Variants in DRC8 observed in about 807,000 individuals in gnomAD.
DRC8 encodes the protein dynein regulatory complex subunit 8, also known as dynein regulatory complex protein 8.
the DRC8 span, among the ~76,000 whole-genome samples, chr1:245,008,808 A>G: frequency 3.7e-4 from 56 of 151,732 alleles, no homozygotes; most frequent in African/African-American, 1.3e-3. Context: ...AGTTGGGACT[A>G]TAAGCATGTG....
the DRC8 span, among the ~76,000 whole-genome samples, chr1:245,033,717 C>CCTTT: frequency 2.0e-5 from 3 of 151,674 alleles, no homozygotes; most frequent in African/African-American, 7.3e-5. Context: ...CCTTTCCTTT[C>CCTTT]CTTTCTTTCT....
At chr1:245,115,798 C>G in the DRC8 span, among the ~76,000 whole-genome samples, 39,747 of 152,016 alleles carry the variant, frequency 0.26, 6,406 homozygotes, top group African/African-American at 0.45. Flanking sequence ...ACAAAATGAC[C>G]ACCTGGGCCT....
chr1:244,983,027 G>A, the DRC8 span, among the ~76,000 whole-genome samples: 3 of 151,938 alleles, frequency 2.0e-5, no homozygotes, highest in Admixed American at 6.6e-5. Flanking sequence ...CTGATATCGC[G>A]CCATTGCAAG....
the DRC8 span, among the ~76,000 whole-genome samples, chr1:245,118,830 G>GAAAAGAAAAGAAAAGAA: frequency 8.7e-6 from 1 of 115,570 alleles, no homozygotes; most frequent in Non-Finnish European, 1.9e-5. Context: ...GAAAAGAAAA[G>GAAAAGAAAAGAAAAGAA]AAAAGAAAAA....
chr1:245,086,628 T>A, the DRC8 span: 2,002 of 467,868 alleles, frequency 4.3e-3, 6 homozygotes, highest in Non-Finnish European at 7.0e-3. Flanking sequence ...CTCAGAACAA[T>A]TTTTTAAACA....
At chr1:245,046,583 G>C in the DRC8 span, among the ~76,000 whole-genome samples, 1 of 152,200 alleles carries the variant, frequency 6.6e-6, no homozygotes. Flanking sequence ...TGCGAGGATA[G>C]TGCATAGGAT....
the DRC8 span, among the ~76,000 whole-genome samples, chr1:244,990,602 T>C: frequency 1.4e-3 from 210 of 152,316 alleles, no homozygotes; most frequent in African/African-American, 4.7e-3. Context: ...GAAGCTCTTT[T>C]CGCTGGCTCC....
chr1:244,976,307 CT>C, the DRC8 span, among the ~76,000 whole-genome samples: 99,226 of 151,948 alleles, frequency 0.65, 34,554 homozygotes, highest in East Asian at 1. Context: ...GTTAAGAAAA[CT>C]TTTAAGTCTT....
At chr1:245,103,134 T>C in the DRC8 span, among the ~76,000 whole-genome samples, 1 of 144,050 alleles carries the variant, frequency 6.9e-6, no homozygotes, top group African/African-American at 2.7e-5. Context: ...GCATTGTTTA[T>C]TTCAGTCCTC....
chr1:245,058,732 G>A, the DRC8 span, among the ~76,000 whole-genome samples: 1 of 152,318 alleles, frequency 6.6e-6, no homozygotes, highest in East Asian at 1.9e-4. Flanking sequence ...ATTGAACTAC[G>A]TTATGATGGG....
the DRC8 span, among the ~76,000 whole-genome samples, chr1:245,012,727 C>T: frequency 6.6e-6 from 1 of 152,006 alleles, no homozygotes; most frequent in Non-Finnish European, 1.5e-5. Context: ...TAAATATACA[C>T]CTCTTAGATG....
At chr1:244,974,309 T>G in the DRC8 span, among the ~76,000 whole-genome samples, 36 of 152,258 alleles carry the variant, frequency 2.4e-4, no homozygotes, top group Non-Finnish European at 4.8e-4. Context: ...GGAAACAAAC[T>G]GCTTAGTTAT....
chr1:245,034,276 A>G, the DRC8 span, among the ~76,000 whole-genome samples: 2 of 152,186 alleles, frequency 1.3e-5, no homozygotes, highest in South Asian at 4.1e-4. Flanking sequence ...AACTTATAAG[A>G]AAATAACAAT....
At chr1:245,043,076 A>G in the DRC8 span, among the ~76,000 whole-genome samples, 1 of 152,230 alleles carries the variant, frequency 6.6e-6, no homozygotes, top group Admixed American at 6.5e-5. Context: ...ACTTGTAACC[A>G]TAAAGGCTTT....
the DRC8 span, among the ~76,000 whole-genome samples, chr1:245,031,296 A>G: frequency 3.3e-4 from 50 of 152,110 alleles, no homozygotes; most frequent in Non-Finnish European, 5.9e-4. Flanking sequence ...GCACATAGCT[A>G]TACTGTAATT....
At chr1:245,122,982 A>G in the DRC8 span, 2 of 152,248 alleles carry the variant, frequency 1.3e-5, no homozygotes, top group Non-Finnish European at 1.5e-5. Context: ...CATAAACACA[A>G]TCATACAATA....
At chr1:244,970,503 C>T in the DRC8 span, 60 of 1,508,766 alleles carry the variant, frequency 4.0e-5, no homozygotes, top group Non-Finnish European at 5.1e-5. Context: ...CCGGGCTGCA[C>T]GGGGAAGCGC....
the DRC8 span, among the ~76,000 whole-genome samples, chr1:245,045,154 C>T: frequency 1.3e-5 from 2 of 152,078 alleles, no homozygotes; most frequent in Non-Finnish European, 2.9e-5. Flanking sequence ...GAACTACAGC[C>T]ACACACCACC....
the DRC8 span, among the ~76,000 whole-genome samples, chr1:245,025,307 G>T: frequency 2.0e-5 from 3 of 151,986 alleles, no homozygotes; most frequent in African/African-American, 7.3e-5. Flanking sequence ...TAATCTAATG[G>T]AATAAAAGTA....
Sources: gnomAD v4.1 joint callset for allele counts (sites outside exome capture counted in the v4.1 genomes callset) on GRCh38, gnomAD v4.1.1 for gene constraint, MANE v1.5 for transcripts, NCBI Gene and HGNC (gene_info 2026-07-23, HGNC 2026-07-21) for gene names.